The following GRIK2 variants were observed in gnomAD, a reference collection of about 807,000 sequenced individuals.
GRIK2 encodes the protein glutamate receptor ionotropic, kainate 2.
In GRIK2, 32 loss-of-function variants were observed where a neutral mutation model predicts 100.3. The ratio of observed to expected loss-of-function variants is 0.32; its 90% CI spans 0.24 to 0.43. The LOEUF (loss-of-function observed/expected upper bound fraction) is 0.43, where lower values mean the gene tolerates loss of function less well. Ranked by LOEUF, GRIK2 falls within the 20% of genes least tolerant of loss-of-function variation. The probability of loss-of-function intolerance (pLI) is 1.00; values close to 1 mark genes in which losing one functional copy is unlikely to be tolerated. For synonymous variants in GRIK2, 417 were observed against 389.4 expected, an observed-to-expected ratio of 1.07 and a Z score of -0.83; for missense variants, 843 against 1,114.9, an observed-to-expected ratio of 0.76 and a Z score of 3.47.
chr6:101,458,776 A>C (rs2518224), intron 2 of GRIK2, among the ~76,000 whole-genome samples: 12,675 of 152,220 alleles, frequency 0.083, 629 homozygotes, highest in Middle Eastern at 0.13. Flanking sequence ...ATTTATCCAC[A>C]TGGAGTAGGT....
intron 2 of GRIK2, among the ~76,000 whole-genome samples, chr6:101,427,665 A>G (rs1183105036): frequency 1.3e-5 from 2 of 152,332 alleles, no homozygotes; most frequent in East Asian, 1.9e-4. Flanking sequence ...AATTATGGCA[A>G]TACTTTGTAT....
chr6:101,733,708 C>CTTTTTTTT (rs34438783), intron 7 of GRIK2, among the ~76,000 whole-genome samples: 19 of 83,936 alleles, frequency 2.3e-4, no homozygotes, highest in East Asian at 7.3e-4. Context: ...ATTCCTCTTT[C>CTTTTTTTT]TTTTTTTTTT....
intron 2 of GRIK2, among the ~76,000 whole-genome samples, chr6:101,413,116 A>AT (rs1775959664): frequency 6.6e-6 from 1 of 152,028 alleles, no homozygotes; most frequent in Non-Finnish European, 1.5e-5. Flanking sequence ...TGTGGAGAGA[A>AT]TTTTAACCTT....
intron 2 of GRIK2, among the ~76,000 whole-genome samples, chr6:101,598,592 T>C: frequency 1.2e-5 from 1 of 82,396 alleles, no homozygotes; most frequent in Non-Finnish European, 2.4e-5. Flanking sequence ...TCTTCCTTAA[T>C]AAAAAAAAAA....
chr6:101,969,261 A>G (rs935242259), intron 14 of GRIK2, among the ~76,000 whole-genome samples: 1 of 152,024 alleles, frequency 6.6e-6, no homozygotes, highest in African/African-American at 2.4e-5. Context: ...CATTTGAAGA[A>G]GAATGTAACA....
At chr6:101,531,891 C>T (rs1237953567) in intron 2 of GRIK2, among the ~76,000 whole-genome samples, 2 of 151,908 alleles carry the variant, frequency 1.3e-5, no homozygotes, top group Admixed American at 6.6e-5. Flanking sequence ...CCTACTGCTA[C>T]TCGTTGATTC....
intron 7 of GRIK2, among the ~76,000 whole-genome samples, chr6:101,699,213 A>G (rs927764841): frequency 1.3e-5 from 2 of 152,092 alleles, no homozygotes; most frequent in Non-Finnish European, 2.9e-5. Flanking sequence ...TGGCAGTCAA[A>G]TGGTTATCTC....
chr6:101,727,899 G>A (rs1038024311), intron 7 of GRIK2, among the ~76,000 whole-genome samples: 1 of 151,814 alleles, frequency 6.6e-6, no homozygotes, highest in African/African-American at 2.4e-5. Context: ...TATTAGCGGT[G>A]GGAACTGTAC....
intron 7 of GRIK2, among the ~76,000 whole-genome samples, chr6:101,734,823 T>A (rs747139851): frequency 2.6e-5 from 4 of 152,164 alleles, no homozygotes; most frequent in Admixed American, 6.5e-5. Flanking sequence ...AAGTTTGGGT[T>A]GTTGAGAGGA....
chr6:101,605,630 A>G (rs185575149), intron 2 of GRIK2, among the ~76,000 whole-genome samples: 5 of 152,188 alleles, frequency 3.3e-5, no homozygotes, highest in Admixed American at 3.3e-4. Context: ...GTGAGCCAAG[A>G]TCGTGCCATT....
At chr6:101,453,449 T>G (rs1404912278) in intron 2 of GRIK2, among the ~76,000 whole-genome samples, 5 of 152,022 alleles carry the variant, frequency 3.3e-5, no homozygotes, top group African/African-American at 4.8e-5. Context: ...ATATCAAAGC[T>G]AAGCTGCTTA....
At chr6:101,573,445 G>GA (rs966374212) in intron 2 of GRIK2, among the ~76,000 whole-genome samples, 1 of 152,136 alleles carries the variant, frequency 6.6e-6, no homozygotes, top group African/African-American at 2.4e-5. Flanking sequence ...CACAGGCCTT[G>GA]AGATACACAT....
intron 14 of GRIK2, among the ~76,000 whole-genome samples, chr6:102,010,606 C>G (rs567358860): frequency 5.3e-5 from 8 of 151,872 alleles, no homozygotes. Context: ...AGGATGGTCC[C>G]GATCTCCTGA....
chr6:101,560,331 A>G (rs1272904593), intron 2 of GRIK2, among the ~76,000 whole-genome samples: 1 of 152,156 alleles, frequency 6.6e-6, no homozygotes, highest in African/African-American at 2.4e-5. Context: ...TAACCAATTA[A>G]TGGGCAATTT....
chr6:101,424,150 T>C (rs1186850414), intron 2 of GRIK2, among the ~76,000 whole-genome samples: 1 of 152,076 alleles, frequency 6.6e-6, no homozygotes, highest in Non-Finnish European at 1.5e-5. Context: ...TATCCAAATT[T>C]TTTTTCTTCA....
intron 2 of GRIK2, among the ~76,000 whole-genome samples, chr6:101,514,586 A>G (rs1202870220): frequency 6.6e-6 from 1 of 152,158 alleles, no homozygotes; most frequent in East Asian, 1.9e-4. Context: ...TTATTTAAAA[A>G]TTGAATATCC....
intron 2 of GRIK2, among the ~76,000 whole-genome samples, chr6:101,581,389 C>G (rs1017276506): frequency 6.6e-6 from 1 of 151,892 alleles, no homozygotes; most frequent in Non-Finnish European, 1.5e-5. Context: ...CGTTTGCAAG[C>G]TGAGGAGCAA....
intron 4 of GRIK2, among the ~76,000 whole-genome samples, chr6:101,676,365 A>G (rs1220809565): frequency 6.6e-6 from 1 of 152,146 alleles, no homozygotes; most frequent in Non-Finnish European, 1.5e-5. Flanking sequence ...AACAAAAATA[A>G]CAGAGGATAT....
intron 2 of GRIK2, among the ~76,000 whole-genome samples, chr6:101,522,353 A>T (rs1774922172): frequency 6.6e-6 from 1 of 152,084 alleles, no homozygotes; most frequent in Non-Finnish European, 1.5e-5. Context: ...TTATGTTATG[A>T]TGCATTAAAA....
Sources: gnomAD v4.1 joint callset for allele counts (sites outside exome capture counted in the v4.1 genomes callset) on GRCh38, gnomAD v4.1.1 for gene constraint, MANE v1.5 for transcripts, NCBI Gene and HGNC (gene_info 2026-07-23, HGNC 2026-07-21) for gene names.